Variants in PRKCE observed in about 807,000 individuals in gnomAD.
PRKCE encodes the protein protein kinase C epsilon.
In PRKCE, 16 loss-of-function variants were observed where a neutral mutation model predicts 85.4. The observed-to-expected ratio is 0.19, with a 90% CI of 0.13 to 0.28. PRKCE has a LOEUF of 0.28. PRKCE is among the 10% of genes least tolerant of loss of function. The pLI is 1.00. For missense variants in PRKCE, 573 were observed against 975.2 expected (o/e 0.59, Z 5.49); for synonymous variants, 388 against 371.5 (o/e 1.04, Z -0.51).
chr2:45,801,177 G>A (rs1292527533), intron 1 of PRKCE, among the ~76,000 whole-genome samples: 3 of 152,170 alleles, frequency 2.0e-5, no homozygotes, highest in African/African-American at 7.2e-5. Flanking sequence ...GCCACATGTG[G>A]GGACTGATGG....
At position 46,155,327 on chromosome 2, in the gene PRKCE, A is replaced by G. The variant is rs1040509159; in HGVS notation, c.1920+4098A>G. 3.9e-5 allele frequency among the ~76,000 whole-genome samples: 6 copies of G among 152,188 alleles called. No homozygotes were observed. The highest frequency in any genetic ancestry group is 3.3e-4 in the Admixed American group (5 of 15,282). ...GGTGAATCTTTGATGGACCCCTTCA[A>G]GGAGCTCTTCTCAGCTCCTTGCTGG... On this transcript the variant is annotated intron_variant, in intron 13 of 14. Coordinates refer to ENST00000306156, the MANE Select transcript of PRKCE (RefSeq NM_005400.3). The surrounding 1 kb of genome is among the most constrained non-coding windows in gnomAD (Gnocchi z 4.7).
intron 11 of PRKCE, among the ~76,000 whole-genome samples, chr2:46,099,964 G>A (rs933304808): frequency 2.6e-5 from 4 of 152,102 alleles, no homozygotes; most frequent in Non-Finnish European, 5.9e-5. Context: ...TAGGAATTAG[G>A]GACTAGAACT....
chr2:45,761,326 C>CAAAAA (rs370710295), intron 1 of PRKCE, among the ~76,000 whole-genome samples: 6 of 82,250 alleles, frequency 7.3e-5, no homozygotes, highest in Admixed American at 4.5e-4. Context: ...GACTCCATCT[C>CAAAAA]AAAAAAAAAA....
At chr2:46,027,276 A>C (rs995133170) in intron 10 of PRKCE, among the ~76,000 whole-genome samples, 2 of 152,178 alleles carry the variant, frequency 1.3e-5, no homozygotes, top group African/African-American at 4.8e-5. Context: ...TTGAGGCTGC[A>C]GTGAAGCATG....
At chr2:45,898,685 T>C (rs1696336875) in intron 2 of PRKCE, among the ~76,000 whole-genome samples, 1 of 151,984 alleles carries the variant, frequency 6.6e-6, no homozygotes, top group Non-Finnish European at 1.5e-5. Flanking sequence ...AGAGTACCAG[T>C]GTGGGAGATG....
intron 6 of PRKCE, among the ~76,000 whole-genome samples, chr2:45,991,624 C>A (rs1558930216): frequency 6.6e-6 from 1 of 152,142 alleles, no homozygotes; most frequent in East Asian, 1.9e-4. Flanking sequence ...GTGTTGTCGC[C>A]ATTTTAATTT....
At chr2:45,897,625 C>A (rs1696251379) in intron 2 of PRKCE, among the ~76,000 whole-genome samples, 1 of 152,058 alleles carries the variant, frequency 6.6e-6, no homozygotes, top group South Asian at 2.1e-4. Flanking sequence ...AGATGGCACC[C>A]CATTTTTTAT....
chr2:46,060,826 A>G (rs935005415), intron 10 of PRKCE, among the ~76,000 whole-genome samples: 10 of 150,032 alleles, frequency 6.7e-5, no homozygotes, highest in East Asian at 3.9e-4. Context: ...CAGTGGCACG[A>G]TATCAGCTCA....
At chr2:45,843,115 T>A (rs755075852) in intron 2 of PRKCE, 52 bp downstream of exon 2, 1 of 1,515,612 alleles carries the variant, frequency 6.6e-7, no homozygotes, top group East Asian at 2.3e-5. Context: ...CCCTTTGCCT[T>A]CTGGGTCTCT....
At position 45,761,656 on chromosome 2, in the gene PRKCE, C is replaced by G. The variant is rs528823143; in HGVS notation, c.349-81344C>G. On this transcript the variant is annotated intron_variant, in intron 1 of 14. Transcript: ENST00000306156. The stretch of plus-strand genomic sequence containing the variant: ...TCTAATCTCTGGCCTGGGTCTCTCC[C>G]TCTCCCCTCTCGCACCCTCCTCTCT... Among the ~76,000 whole-genome samples the G allele has an allele frequency of 5.9e-5, 9 of 152,234 alleles. No individual in the cohort carries two copies. In the South Asian group the frequency reaches 1.9e-3, roughly 32 times the overall value.
intron 11 of PRKCE, among the ~76,000 whole-genome samples, chr2:46,142,780 A>G (rs1440664751): frequency 2.0e-5 from 3 of 152,254 alleles, no homozygotes; most frequent in Non-Finnish European, 4.4e-5. Flanking sequence ...ACCTGAGGCA[A>G]TCCTGGGCAG....
chr2:45,985,748 A>G (rs1202213463), intron 6 of PRKCE, among the ~76,000 whole-genome samples: 2 of 152,194 alleles, frequency 1.3e-5, no homozygotes, highest in Non-Finnish European at 2.9e-5. Context: ...CAGTGATAGC[A>G]TTCACTGAGA....
chr2:45,773,945 G>T (rs1387159938), intron 1 of PRKCE, among the ~76,000 whole-genome samples: 2 of 152,326 alleles, frequency 1.3e-5, no homozygotes, highest in African/African-American at 4.8e-5. Flanking sequence ...AAACATCCCT[G>T]CTGAGCGATG....
At chr2:45,880,017 C>T (rs958873444) in intron 2 of PRKCE, among the ~76,000 whole-genome samples, 1 of 151,986 alleles carries the variant, frequency 6.6e-6, no homozygotes, top group Non-Finnish European at 1.5e-5. Context: ...CTTCCAAAAC[C>T]CTCTTTCCCT....
In PRKCE at chr2:46,166,395, C is replaced by T. The variant is rs180927571; in HGVS notation, c.2067+6643C>T. On this transcript the variant is annotated intron_variant, in intron 14 of 14. Coordinates refer to ENST00000306156, the MANE Select transcript of PRKCE (RefSeq NM_005400.3). ...ACATCCCCCTGGACTGTGTCCACCACATCCAAGCGGCTTACCATCCAAGAG... is the reference window on the plus strand; with the variant it reads ...ACATCCCCCTGGACTGTGTCCACCATATCCAAGCGGCTTACCATCCAAGAG... 8.5e-5 allele frequency among the ~76,000 whole-genome samples: 13 copies of T among 152,378 alleles called. No individual in the cohort carries two copies. In the East Asian group the frequency reaches 1.7e-3, roughly 20 times the overall value.
At chr2:45,703,686 C>A (rs984922311) in intron 1 of PRKCE, among the ~76,000 whole-genome samples, 2 of 152,022 alleles carry the variant, frequency 1.3e-5, no homozygotes, top group Non-Finnish European at 2.9e-5. Context: ...TTGGATTTTC[C>A]TTTATTGTCC....
At chr2:45,981,187 T>A (rs1574103965) in intron 5 of PRKCE, among the ~76,000 whole-genome samples, 1 of 152,226 alleles carries the variant, frequency 6.6e-6, no homozygotes, top group African/African-American at 2.4e-5. Context: ...GTCCCACTGA[T>A]AGATTAAAAA....
At chr2:46,119,320 T>C (rs1673089018) in intron 11 of PRKCE, among the ~76,000 whole-genome samples, 1 of 152,168 alleles carries the variant, frequency 6.6e-6, no homozygotes, top group Non-Finnish European at 1.5e-5. Context: ...TTTTTTCCCT[T>C]TCCTAAACTT....
intron 10 of PRKCE, among the ~76,000 whole-genome samples, chr2:46,035,558 A>G (rs1466933771): frequency 6.6e-6 from 1 of 152,168 alleles, no homozygotes; most frequent in East Asian, 1.9e-4. Context: ...GTGAAATGAA[A>G]AACCATTAGA....
Sources: allele counts gnomAD v4.1 joint callset (sites outside exome capture counted in the v4.1 genomes callset), GRCh38; gene constraint gnomAD v4.1.1; non-coding constraint Gnocchi (gnomAD v3.1); transcripts MANE v1.5; gene names NCBI Gene and HGNC (gene_info 2026-07-23, HGNC 2026-07-21).